ZYG11B: variants seen among roughly 807,000 people sequenced by gnomAD.
ZYG11B encodes the protein protein zyg-11 homolog B.
In ZYG11B, 36 loss-of-function variants were observed where a neutral mutation model predicts 82.4. The ratio of observed to expected loss-of-function variants is 0.44; its 90% CI spans 0.33 to 0.58. The LOEUF (loss-of-function observed/expected upper bound fraction) is 0.58. Ranked by LOEUF, ZYG11B falls within the 20% of genes least tolerant of loss-of-function variation. ZYG11B has a pLI of 0.02. For missense variants in ZYG11B, 552 were observed against 895.6 expected (o/e 0.62, Z 4.90); for synonymous variants, 303 against 312.8 (o/e 0.97, Z 0.33).
chr1:52,810,758 G>A (rs1645175355), intron 10 of ZYG11B, among the ~76,000 whole-genome samples: 3 of 152,130 alleles, frequency 2.0e-5, no homozygotes. Context: ...AAATTGGCTG[G>A]GCAGGGTGGC....
chr1:52,820,545 G>T (rs1645274110), intron 13 of ZYG11B, among the ~76,000 whole-genome samples: 1 of 151,274 alleles, frequency 6.6e-6, no homozygotes, highest in South Asian at 2.1e-4. Context: ...CTACCCAGGA[G>T]ACTGAGGAAG....
At chr1:52,800,909 C>G (rs1645070481) in intron 8 of ZYG11B, among the ~76,000 whole-genome samples, 1 of 151,988 alleles carries the variant, frequency 6.6e-6, no homozygotes, top group African/African-American at 2.4e-5. Context: ...TGTATAGCCA[C>G]TAGTATTATG....
At position 52,802,281 on chromosome 1, in the gene ZYG11B, C is replaced by T. The variant is rs1467919158; in HGVS notation, c.1695+142C>T. ...GTCATTGCTAATTGAGAACTATTCC[C>T]AATACCTCACCATGATGACTTGAAA... On this transcript the variant is annotated intron_variant, in intron 10 of 13. Transcript: ENST00000294353. The T allele has an allele frequency of 4.3e-5, 26 of 611,630 alleles. No individual in the cohort carries two copies. In the Admixed American group the frequency reaches 7.5e-4, roughly 18 times the overall value. The allele number at this position is 611,630 out of a possible 1,614,324, so 37.9% of individuals were successfully genotyped here. A position where few individuals can be genotyped will look rare whatever the true frequency, so the allele number is the denominator to read the frequency against.
chr1:52,790,684 C>G lies in ZYG11B; in HGVS notation c.1334+617C>G, dbSNP rs376608402. ...AGTGAGCCAAGATCGCGCCATTGCA[C>G]TCCAGCCTGGGTGACAGGGCAAGAC... On this transcript the variant is annotated intron_variant, in intron 6 of 13. Transcript: ENST00000294353. 3.4e-4 allele frequency among the ~76,000 whole-genome samples: 46 copies of G among 133,626 alleles called. No homozygotes were observed. The South Asian group carries it at 8.4e-3, about 24-fold the overall frequency. The allele number at this position is 133,626 out of a possible 152,430, so 87.7% of individuals were successfully genotyped here.
At chr1:52,807,380 T>TA (rs1645149714) in intron 10 of ZYG11B, among the ~76,000 whole-genome samples, 2 of 152,234 alleles carry the variant, frequency 1.3e-5, no homozygotes, top group Admixed American at 1.3e-4. Context: ...CTTACATACT[T>TA]ACTGTTTTTT....
chr1:52,776,129 G>C (rs2149941936), intron 3 of ZYG11B, among the ~76,000 whole-genome samples: 1 of 148,842 alleles, frequency 6.7e-6, no homozygotes, highest in East Asian at 2.0e-4. Context: ...TGAGGCAGGA[G>C]AATTGCTTGA....
At chr1:52,742,433 C>T (rs1279475319) in intron 1 of ZYG11B, among the ~76,000 whole-genome samples, 1 of 151,804 alleles carries the variant, frequency 6.6e-6, no homozygotes, top group Non-Finnish European at 1.5e-5. Flanking sequence ...GCCTGGGTGA[C>T]AGAGCAAGAC....
chr1:52,749,298 GT>G (rs1455721112), intron 1 of ZYG11B, among the ~76,000 whole-genome samples: 1 of 152,182 alleles, frequency 6.6e-6, no homozygotes, highest in Non-Finnish European at 1.5e-5. Context: ...GAAAATATCT[GT>G]TACAGTACTT....
Position 52,784,994 on chromosome 1 carries a change from C to G in ZYG11B, c.1210C>G (p.Leu404Val), listed in dbSNP as rs767809006. The change falls in exon 5 of 14, where the codon CTG becomes GTG. Residue 404 changes from leucine (L) to valine (V), a missense_variant. Around this residue, in one of 3 missense-constraint regions of ZYG11B, gnomAD observed 359 missense variants for 555.8 expected, o/e 0.65. Transcript: ENST00000294353. Reference protein sequence around the residue: ...DLAAGMPVRLLADVTHLLLKA... With the variant: ...DLAAGMPVRLVADVTHLLLKA... ...TGCTGCAGGGATGCCTGTCCGACTC[C>G]TGGCTGATGTGACCCATTTGCTGCT... is the stretch of plus-strand genomic sequence containing the variant. 1 of 1,614,042 alleles carries G rather than the reference C, an allele frequency of 6.2e-7. No homozygotes were observed. Among genetic ancestry groups the G allele is most frequent in the Non-Finnish European group, 8.5e-7 (1 of 1,180,032 alleles).
intron 2 of ZYG11B, among the ~76,000 whole-genome samples, chr1:52,765,199 T>A (rs895634800): frequency 2.6e-5 from 4 of 151,980 alleles, no homozygotes; most frequent in Admixed American, 2.6e-4. Context: ...TCTTTTTTTT[T>A]AATTAAAAAA....
chr1:52,819,958 A>C (rs1645269391), intron 13 of ZYG11B, among the ~76,000 whole-genome samples: 1 of 150,326 alleles, frequency 6.7e-6, no homozygotes, highest in South Asian at 2.1e-4. Context: ...GCTGTCGTCC[A>C]GGCTAGAGTG....
Position 52,783,805 on chromosome 1 carries a change from T to TATATATATATAC in ZYG11B, c.1093-1071_1093-1070insTATATATATACA, listed in dbSNP as rs74185908. 2.0e-3 allele frequency among the ~76,000 whole-genome samples: 269 copies of TATATATATATAC among 135,008 alleles called. 2 individuals are homozygous for TATATATATATAC. The highest frequency in any genetic ancestry group is 6.3e-3 in the African/African-American group (223 of 35,184). The allele number at this position is 135,008 out of a possible 152,430, so 88.6% of individuals were successfully genotyped here. ...GCCCAGCTTTATATATATATATATA[T>TATATATATATAC]ACACACACACGTATATGTATACATA... On this transcript the variant is annotated intron_variant, in intron 4 of 13. Coordinates refer to ENST00000294353, the MANE Select transcript of ZYG11B (RefSeq NM_024646.3).
intron 1 of ZYG11B, among the ~76,000 whole-genome samples, chr1:52,746,211 C>G (rs965980475): frequency 6.6e-6 from 1 of 152,078 alleles, no homozygotes; most frequent in South Asian, 2.1e-4. Flanking sequence ...CTTGGCCCCC[C>G]AAAACGTTGG....
chr1:52,747,575 A>C (rs1381331050), intron 1 of ZYG11B, among the ~76,000 whole-genome samples: 1 of 150,748 alleles, frequency 6.6e-6, no homozygotes, highest in East Asian at 1.9e-4. Flanking sequence ...ATTTGAACTC[A>C]CTCTTTTTTT....
intron 10 of ZYG11B, among the ~76,000 whole-genome samples, chr1:52,809,740 T>G (rs1294388980): frequency 6.6e-6 from 1 of 152,154 alleles, no homozygotes; most frequent in Non-Finnish European, 1.5e-5. Flanking sequence ...CTTGTAGTTT[T>G]TGTTTGCATT....
rs1426273841 is a variant in ZYG11B, at chr1:52,826,479, A to C, written c.*4850A>C. 1 of 152,208 alleles carries C rather than the reference A, an allele frequency of 6.6e-6. No homozygotes were observed. The highest frequency in any genetic ancestry group is 2.4e-5 in the African/African-American group (1 of 41,444). The allele number at this position is 152,208 out of a possible 1,614,324, so 9.4% of individuals were successfully genotyped here. A position where few individuals can be genotyped will look rare whatever the true frequency, so the allele number is the denominator to read the frequency against. On this transcript the variant is annotated 3_prime_UTR_variant, in exon 14 of 14. Coordinates refer to ENST00000294353, the MANE Select transcript of ZYG11B (RefSeq NM_024646.3). Reference sequence around the variant, plus strand: ...AGAGAATTTGCTCATCGTGCTTTAAATGATTAACTGTTTTACCTTATTTAG... The same window carrying C: ...AGAGAATTTGCTCATCGTGCTTTAACTGATTAACTGTTTTACCTTATTTAG...
intron 12 of ZYG11B, among the ~76,000 whole-genome samples, 180 bp from the exon 13 acceptor site, chr1:52,816,352 T>G (rs1645223676): frequency 6.6e-6 from 1 of 152,204 alleles, no homozygotes. Context: ...TACTGAGTCA[T>G]GTCTGAATGC....
chr1:52,813,405 A>G (rs1257610142), intron 10 of ZYG11B, 131 bp from the exon 11 acceptor site: 4 of 694,072 alleles, frequency 5.8e-6, no homozygotes, highest in Non-Finnish European at 9.2e-6. Flanking sequence ...CCTCATTTGA[A>G]TACTTTCTCT....
intron 2 of ZYG11B, among the ~76,000 whole-genome samples, chr1:52,767,346 C>T (rs1644706449): frequency 8.7e-6 from 1 of 115,170 alleles, no homozygotes; most frequent in Non-Finnish European, 1.9e-5. Flanking sequence ...CTCTTGTTGC[C>T]CAAGCCGGAG....
Sources: gnomAD v4.1 joint callset for allele counts (sites outside exome capture counted in the v4.1 genomes callset) on GRCh38, gnomAD v4.1.1 for gene constraint, gnomAD v4.1.1 regional missense constraint, MANE v1.5 for transcripts, NCBI Gene and HGNC (gene_info 2026-07-23, HGNC 2026-07-21) for gene names.